Variants in COMMD1 observed in about 807,000 individuals in gnomAD.
COMMD1 encodes the protein COMM domain-containing protein 1.
A neutral mutation model predicts 17.2 loss-of-function variants in COMMD1; 10 were observed. The observed-to-expected ratio is 0.58, with a 90% CI of 0.36 to 0.99. The LOEUF (loss-of-function observed/expected upper bound fraction) is 0.99, where lower values mean the gene tolerates loss of function less well. Among genes scored for constraint, COMMD1 ranks in the 50% least tolerant of loss-of-function variants. The pLI, the probability that COMMD1 is intolerant of heterozygous loss-of-function variation, is 0.01. For missense variants in COMMD1, 270 were observed against 231.8 expected, an observed-to-expected ratio of 1.17 and a Z score of -1.07; for synonymous variants, 97 against 91.6, an observed-to-expected ratio of 1.06 and a Z score of -0.34.
chr2:61,995,694 G>T (rs535754576), intron 1 of COMMD1, among the ~76,000 whole-genome samples: 1 of 152,318 alleles, frequency 6.6e-6, no homozygotes, highest in African/African-American at 2.4e-5. Flanking sequence ...AGGGAAACCT[G>T]GCTTAACTGT....
intron 2 of COMMD1, among the ~76,000 whole-genome samples, chr2:62,041,211 T>TAA (rs1670185736): frequency 6.6e-5 from 10 of 152,336 alleles, no homozygotes; most frequent in African/African-American, 2.4e-4. Context: ...TGGAACTTCT[T>TAA]TAATTCGTGG....
At chr2:62,058,218 T>G (rs1200730327) in intron 2 of COMMD1, among the ~76,000 whole-genome samples, 1 of 152,234 alleles carries the variant, frequency 6.6e-6, no homozygotes, top group Non-Finnish European at 1.5e-5. Context: ...TTTACAAATG[T>G]CAATTAGATT....
At chr2:61,910,148 T>G (rs1669867021) in intron 1 of COMMD1, among the ~76,000 whole-genome samples, 1 of 152,166 alleles carries the variant, frequency 6.6e-6, no homozygotes, top group Non-Finnish European at 1.5e-5. Context: ...AACAATGAAG[T>G]CAATGAATTG....
At chr2:62,035,355 A>T (rs1008821383) in intron 2 of COMMD1, among the ~76,000 whole-genome samples, 2 of 152,220 alleles carry the variant, frequency 1.3e-5, no homozygotes, top group African/African-American at 4.8e-5. Flanking sequence ...GTTTTTATTG[A>T]TAGTGACCTC....
chr2:62,047,387 C>T (rs1348577166), intron 2 of COMMD1, among the ~76,000 whole-genome samples: 1 of 152,150 alleles, frequency 6.6e-6, no homozygotes, highest in African/African-American at 2.4e-5. Context: ...CGTTCACGGA[C>T]CACTGACAGA....
chr2:62,053,622 T>C (rs1670603175), intron 2 of COMMD1, among the ~76,000 whole-genome samples: 1 of 152,180 alleles, frequency 6.6e-6, no homozygotes, highest in Admixed American at 6.5e-5. Context: ...ACTGTAATGA[T>C]TGAATTGACG....
At chr2:61,994,808 G>C (rs1235136650) in intron 1 of COMMD1, among the ~76,000 whole-genome samples, 1 of 152,140 alleles carries the variant, frequency 6.6e-6, no homozygotes, top group Non-Finnish European at 1.5e-5. Flanking sequence ...CCAGCCTCAT[G>C]TCCTTCTTAT....
At chr2:62,093,217 C>T (rs114846085) in intron 2 of COMMD1, among the ~76,000 whole-genome samples, 1,712 of 152,204 alleles carry the variant, frequency 0.011, 35 homozygotes, top group African/African-American at 0.04. Context: ...TTTGTGATGG[C>T]GGCATCTGGA....
At chr2:61,946,309 G>T (rs1401828748) in intron 1 of COMMD1, among the ~76,000 whole-genome samples, 1 of 152,086 alleles carries the variant, frequency 6.6e-6, no homozygotes, top group Non-Finnish European at 1.5e-5. Flanking sequence ...GGGGCCCTCT[G>T]GAAAAATCTC....
intron 1 of COMMD1, among the ~76,000 whole-genome samples, chr2:61,998,669 C>T (rs893657690): frequency 1.3e-5 from 2 of 152,198 alleles, no homozygotes; most frequent in African/African-American, 4.8e-5. Context: ...CACAGGAGGC[C>T]TAGCTTTCAG....
chr2:61,977,930 A>C (rs1335444068), intron 1 of COMMD1, among the ~76,000 whole-genome samples: 1 of 151,830 alleles, frequency 6.6e-6, no homozygotes, highest in East Asian at 1.9e-4. Context: ...CAGAGGTTGC[A>C]GTGAGCCGAG....
intron 1 of COMMD1, among the ~76,000 whole-genome samples, chr2:61,935,335 C>T (rs934625650): frequency 3.3e-5 from 5 of 152,184 alleles, no homozygotes; most frequent in Admixed American, 3.3e-4. Context: ...TCTATTGAAA[C>T]GTAAAATTTC....
At chr2:62,073,841 G>T (rs1195889360) in intron 2 of COMMD1, among the ~76,000 whole-genome samples, 1 of 152,150 alleles carries the variant, frequency 6.6e-6, no homozygotes, top group Non-Finnish European at 1.5e-5. Context: ...TGGCATCACA[G>T]GTGCCGCCAC....
At chr2:62,105,597 G>A (rs1237484378) in intron 2 of COMMD1, among the ~76,000 whole-genome samples, 1 of 152,210 alleles carries the variant, frequency 6.6e-6, no homozygotes, top group Non-Finnish European at 1.5e-5. Context: ...GCCAAGGCGA[G>A]TGGATCACCT....
intron 2 of COMMD1, among the ~76,000 whole-genome samples, chr2:62,132,426 T>A (rs1374896075): frequency 6.6e-6 from 1 of 152,270 alleles, no homozygotes; most frequent in Non-Finnish European, 1.5e-5. Context: ...TATTTATTAC[T>A]GTAACTTACT....
chr2:61,993,500 T>G (rs1668652497), intron 1 of COMMD1, among the ~76,000 whole-genome samples: 1 of 152,198 alleles, frequency 6.6e-6, no homozygotes, highest in Admixed American at 6.5e-5. Context: ...AGCTGGGCGC[T>G]GATATTTTAA....
At chr2:62,116,661 G>A (rs1672612784) in intron 2 of COMMD1, among the ~76,000 whole-genome samples, 2 of 103,582 alleles carry the variant, frequency 1.9e-5, no homozygotes, top group African/African-American at 7.7e-5. Context: ...GACAGAGCGA[G>A]ACTCTGTCTC....
At chr2:61,897,649 T>C (rs1304826729) in intron 1 of COMMD1, among the ~76,000 whole-genome samples, 1 of 152,190 alleles carries the variant, frequency 6.6e-6, no homozygotes, top group Non-Finnish European at 1.5e-5. Flanking sequence ...CTCAGGAGGC[T>C]GAGGCAGGAG....
intron 1 of COMMD1, among the ~76,000 whole-genome samples, chr2:61,924,924 C>T (rs1018131249): frequency 3.9e-5 from 6 of 152,150 alleles, no homozygotes. Context: ...ACTGCTGTAT[C>T]AGGCGTCCCT....
Sources: allele counts gnomAD v4.1 joint callset (sites outside exome capture counted in the v4.1 genomes callset), GRCh38; gene constraint gnomAD v4.1.1; transcripts MANE v1.5; gene names NCBI Gene and HGNC (gene_info 2026-07-23, HGNC 2026-07-21).